The following VAC14 variants were observed in gnomAD, a reference collection of about 807,000 sequenced individuals.
VAC14 encodes protein VAC14 homolog.
A neutral mutation model predicts 85.3 loss-of-function variants in VAC14; 47 were observed. The observed-to-expected ratio is 0.55, with a 90% CI of 0.44 to 0.70. VAC14 has a LOEUF of 0.70. Ranked by LOEUF, VAC14 falls within the 30% of genes least tolerant of loss-of-function variation. The pLI, the probability that VAC14 is intolerant of heterozygous loss-of-function variation, is 0.00. For missense variants in VAC14, 861 were observed against 1,004.3 expected (o/e 0.86, Z 1.93); for synonymous variants, 447 against 430.5 (o/e 1.04, Z -0.47).
intron 12 of VAC14, among the ~76,000 whole-genome samples, chr16:70,748,290 G>A (rs992841117): frequency 6.6e-6 from 1 of 152,214 alleles, no homozygotes; most frequent in Non-Finnish European, 1.5e-5. Context: ...CTGGGTATAA[G>A]AGACACAAGG....
Position 70,761,622 on chromosome 16 carries a change from C to A in VAC14, c.1371+918G>T, listed in dbSNP as rs548131161. ...GTGTGTGGCTGGGGCAGACTCCTGC[C>A]CAGATGACAGGAAGAGCCAGGGGCC... On this transcript the variant is annotated intron_variant, in intron 12 of 18. Coordinates refer to ENST00000261776, the MANE Select transcript of VAC14 (RefSeq NM_018052.5). Among the ~76,000 whole-genome samples the A allele has an allele frequency of 1.6e-3, 237 of 152,276 alleles. 2 individuals carry two copies. Among genetic ancestry groups the A allele is most frequent in the Non-Finnish European group, 2.5e-3 (170 of 68,022 alleles).
chr16:70,710,879 T>A (rs1473567644), intron 14 of VAC14, among the ~76,000 whole-genome samples: 1 of 152,236 alleles, frequency 6.6e-6, no homozygotes, highest in African/African-American at 2.4e-5. Context: ...GTGATTACAG[T>A]GATTCACTAG....
chr16:70,726,680 T>C (rs2054437721), intron 14 of VAC14, among the ~76,000 whole-genome samples: 1 of 152,138 alleles, frequency 6.6e-6, no homozygotes, highest in Admixed American at 6.5e-5. Context: ...CAAAGTCCCG[T>C]GGAGGGAGTG....
intron 18 of VAC14, chr16:70,689,908 T>G: frequency 1.0e-6 from 1 of 985,466 alleles, no homozygotes; most frequent in South Asian, 4.7e-5. Context: ...CTTGCAGCCC[T>G]AAGTCCAGGG....
chr16:70,789,588 T>C (rs1364063728), intron 1 of VAC14, among the ~76,000 whole-genome samples: 1 of 152,234 alleles, frequency 6.6e-6, no homozygotes, highest in African/African-American at 2.4e-5. Context: ...GCAGCAGACC[T>C]TTAGTTTAAT....
At chr16:70,759,563 G>C (rs1190091551) in intron 12 of VAC14, among the ~76,000 whole-genome samples, 2 of 152,202 alleles carry the variant, frequency 1.3e-5, no homozygotes, top group East Asian at 3.8e-4. Context: ...CGGAGGTGGA[G>C]GTTGCAGTGA....
At chr16:70,738,903 G>T (rs1227644034) in intron 13 of VAC14, among the ~76,000 whole-genome samples, 5 of 152,180 alleles carry the variant, frequency 3.3e-5, no homozygotes, top group African/African-American at 1.2e-4. Flanking sequence ...CCAGCTGGGG[G>T]TCTAAGAGGT....
chr16:70,689,108 G>C (rs552917137), intron 18 of VAC14: 1 of 983,524 alleles, frequency 1.0e-6, no homozygotes, highest in East Asian at 1.1e-4. Context: ...ACAGGATCTA[G>C]ACAGACCTGG....
chr16:70,705,858 T>C (rs1182310547), intron 14 of VAC14, among the ~76,000 whole-genome samples: 2 of 152,250 alleles, frequency 1.3e-5, no homozygotes, highest in African/African-American at 4.8e-5. Context: ...TGGGACATCC[T>C]TCCCAGTGGA....
At chr16:70,744,368 G>C in intron 13 of VAC14, 55 bp downstream of exon 13, 1 of 1,609,722 alleles carries the variant, frequency 6.2e-7, no homozygotes, top group South Asian at 1.1e-5. Flanking sequence ...TCCAGCCTAA[G>C]ACCCGGCACT....
intron 12 of VAC14, chr16:70,761,024 G>GTGTGTGTGTGTGTGTGTGTGTGT (rs1567577775): frequency 1.0e-5 from 2 of 197,510 alleles, no homozygotes; most frequent in Non-Finnish European, 1.9e-5. Flanking sequence ...TGTGTGCATG[G>GTGTGTGTGTGTGTGTGTGTGTGT]GGGGGCGGGG....
chr16:70,691,029 G>A (rs1244462052), intron 18 of VAC14: 2 of 985,300 alleles, frequency 2.0e-6, no homozygotes, highest in East Asian at 1.1e-4. Flanking sequence ...TCCTACTCTA[G>A]GCCTGCAAAG....
At chr16:70,797,074 T>C (rs1202936380) in intron 1 of VAC14, among the ~76,000 whole-genome samples, 4 of 152,222 alleles carry the variant, frequency 2.6e-5, no homozygotes, top group Admixed American at 1.3e-4. Flanking sequence ...ATAAAATAAA[T>C]TAAAAAATTA....
rs1597899563 is a variant in VAC14 at position 70,731,371 on chromosome 16, A to G, written c.1661+124T>C. 7 of 1,507,680 alleles carry G rather than the reference A, an allele frequency of 4.6e-6. No homozygotes were observed. The East Asian group carries it at 1.6e-4, about 34-fold the overall frequency. 93.4% of individuals were successfully genotyped at this position (1,507,680 alleles called of 1,614,324 possible). On this transcript the variant is annotated intron_variant, in intron 14 of 18. Coordinates refer to ENST00000261776, the MANE Select transcript of VAC14 (RefSeq NM_018052.5). ...AACCTTCTTCATTTCTTACAGATCC[A>G]AAGGTCAGGAAAAGGAGGAGAGAGA...
chr16:70,749,481 A>G (rs1393848481), intron 12 of VAC14, among the ~76,000 whole-genome samples: 3 of 152,256 alleles, frequency 2.0e-5, no homozygotes, highest in South Asian at 2.1e-4. Flanking sequence ...TTGTGCTTAC[A>G]TATCATAGGA....
At chr16:70,715,759 C>G (rs143529489) in intron 14 of VAC14, 2 of 152,228 alleles carry the variant, frequency 1.3e-5, no homozygotes, top group African/African-American at 2.4e-5. Context: ...ATGGAAGACG[C>G]GTATGCGGTG....
chr16:70,801,133 G>T lies in VAC14; in HGVS notation c.-233C>A, dbSNP rs917549952. 3 of 425,800 alleles carry T rather than the reference G, an allele frequency of 7.0e-6. No homozygotes were observed. Among genetic ancestry groups the T allele is most frequent in the Non-Finnish European group, 1.2e-5 (3 of 242,310 alleles). 26.4% of individuals were successfully genotyped at this position (425,800 alleles called of 1,614,324 possible). On this transcript the variant is annotated 5_prime_UTR_variant, in exon 1 of 19. It introduces an in-frame stop codon into an upstream open reading frame of the 5' UTR. Coordinates refer to ENST00000261776, the MANE Select transcript of VAC14 (RefSeq NM_018052.5). ...CCCGCCCGGCACTAGCGGGACTCAC[G>T]AGACAGCGGCCATGTTACTCGAGTC... is the stretch of plus-strand genomic sequence containing the variant.
rs202089665 is a variant in VAC14, at chr16:70,781,948, C to T, written c.867G>A (p.Ala289=). Residue 289 remains alanine, a synonymous_variant, in exon 8 of 19, where the codon GCG becomes GCA. Transcript: ENST00000261776. ...AGGAGTAAGGCAGCATGACGCGGCCCGCCAGCTGGATGAACTCCCGCATCC... is the reference window on the plus strand; with the variant it reads ...AGGAGTAAGGCAGCATGACGCGGCCTGCCAGCTGGATGAACTCCCGCATCC... ...MCWMREFIQL[A]GRVMLPYSSG... is the part of the protein sequence containing the mutation. The T allele has an allele frequency of 1.1e-5, 17 of 1,613,982 alleles. No individual in the cohort carries two copies. Among genetic ancestry groups the T allele is most frequent in the South Asian group, 3.3e-5 (3 of 91,086 alleles).
intron 12 of VAC14, among the ~76,000 whole-genome samples, chr16:70,746,057 TA>T (rs2030862764): frequency 6.6e-6 from 1 of 152,196 alleles, no homozygotes. Flanking sequence ...AAATTTTATC[TA>T]GAAAACAAAC....
Sources: gnomAD v4.1 joint callset for allele counts (sites outside exome capture counted in the v4.1 genomes callset) on GRCh38, gnomAD v4.1.1 for gene constraint, MANE v1.5 for transcripts, NCBI Gene and HGNC (gene_info 2026-07-23, HGNC 2026-07-21) for gene names.